VPS37A: variants seen among roughly 807,000 people sequenced by gnomAD.
VPS37A encodes VPS37A subunit of ESCRT-I, also known as vacuolar protein sorting-associated protein 37A.
VPS37A carries 30 observed loss-of-function variants against 49.8 expected under a neutral mutation model. That is an observed-to-expected ratio of 0.60 (90% CI 0.45 to 0.82). The LOEUF is 0.82. Ranked by LOEUF, VPS37A falls within the 40% of genes least tolerant of loss-of-function variation. The pLI, the probability that VPS37A is intolerant of heterozygous loss-of-function variation, is 0.00. For missense variants in VPS37A, 593 were observed against 464.4 expected, an observed-to-expected ratio of 1.28 and a Z score of -2.55; for synonymous variants, 195 against 160.6, an observed-to-expected ratio of 1.21 and a Z score of -1.62.
chr8:17,305,874 T>C, downstream of VPS37A: 1 of 1,613,732 alleles, frequency 6.2e-7, no homozygotes, highest in Admixed American at 1.7e-5. Context: ...ACAGGGAAAT[T>C]GTTCCATTAA....
intron 11 of VPS37A, among the ~76,000 whole-genome samples, chr8:17,289,191 TA>T (rs1244371595): frequency 2.0e-5 from 3 of 152,194 alleles, no homozygotes; most frequent in African/African-American, 7.2e-5. Flanking sequence ...TTGCTGTGCA[TA>T]AGGTCTTTAG....
intron 5 of VPS37A, among the ~76,000 whole-genome samples, chr8:17,275,992 A>G (rs1332113325): frequency 6.6e-6 from 1 of 152,196 alleles, no homozygotes; most frequent in Non-Finnish European, 1.5e-5. Context: ...TCGGTTGCTC[A>G]TCTACCCTAC....
At chr8:17,258,803 A>C (rs537914751) in intron 1 of VPS37A, among the ~76,000 whole-genome samples, 1 of 152,100 alleles carries the variant, frequency 6.6e-6, no homozygotes, top group East Asian at 1.9e-4. Context: ...TTATTGGCTT[A>C]TTGAAGTTTT....
At chr8:17,250,886 A>C (rs532193578) in intron 1 of VPS37A, among the ~76,000 whole-genome samples, 32 of 152,364 alleles carry the variant, frequency 2.1e-4, no homozygotes, top group Admixed American at 1.7e-3. Context: ...AAAGTGTTTA[A>C]GTCAGCTGTG....
intron 11 of VPS37A, among the ~76,000 whole-genome samples, chr8:17,293,835 G>C (rs1023952096): frequency 2.0e-5 from 3 of 152,168 alleles, no homozygotes; most frequent in African/African-American, 7.2e-5. Flanking sequence ...CTTTGTCCCA[G>C]AGGGGCACCT....
chr8:17,250,452 A>C (rs569761412), intron 1 of VPS37A, among the ~76,000 whole-genome samples: 40 of 152,312 alleles, frequency 2.6e-4, no homozygotes, highest in African/African-American at 9.6e-4. Context: ...AACAGTACAA[A>C]AACTTGTTAC....
At chr8:17,260,203 T>C (rs1812845367) in intron 1 of VPS37A, among the ~76,000 whole-genome samples, 1 of 152,170 alleles carries the variant, frequency 6.6e-6, no homozygotes, top group Non-Finnish European at 1.5e-5. Flanking sequence ...TTGTTGCTTT[T>C]TTATGTTTAG....
downstream of VPS37A, chr8:17,301,908 C>T: frequency 2.3e-6 from 1 of 439,708 alleles, no homozygotes; most frequent in African/African-American, 2.0e-5. Context: ...ACAAGTTGAC[C>T]TAAAATAAGG....
chr8:17,304,270 C>G (rs764680380), downstream of VPS37A: 31 of 1,252,178 alleles, frequency 2.5e-5, no homozygotes, highest in Non-Finnish European at 3.4e-5. Flanking sequence ...TCTTTTGTGT[C>G]CAATAAAAGC....
At chr8:17,287,951 G>A (rs191105108) in intron 11 of VPS37A, among the ~76,000 whole-genome samples, 25 of 152,160 alleles carry the variant, frequency 1.6e-4, no homozygotes, top group African/African-American at 5.8e-4. Flanking sequence ...CAGGGACTAG[G>A]GTACAGGAAA....
the VPS37A span, chr8:17,309,229 A>G: frequency 3.3e-6 from 4 of 1,217,088 alleles, no homozygotes; most frequent in Non-Finnish European, 3.6e-6. Context: ...ATTTTCAGAA[A>G]CAGTGCTTTT....
downstream of VPS37A, chr8:17,298,465 A>C (rs561008318): frequency 1.3e-5 from 2 of 152,500 alleles, no homozygotes; most frequent in Non-Finnish European, 2.9e-5. Flanking sequence ...ACTCCCTCCA[A>C]ATCTTTCATA....
chr8:17,312,877 T>C, the VPS37A span, among the ~76,000 whole-genome samples: 3 of 152,196 alleles, frequency 2.0e-5, no homozygotes, highest in Non-Finnish European at 4.4e-5. Context: ...CAGCGACATT[T>C]TCCTATGGCG....
the VPS37A span, among the ~76,000 whole-genome samples, chr8:17,317,032 G>T: frequency 3.3e-5 from 5 of 152,254 alleles, no homozygotes; most frequent in East Asian, 9.7e-4. Flanking sequence ...TTTAAGTTTT[G>T]CCAATCTTAT....
At chr8:17,261,256 A>T (rs111513922) in intron 1 of VPS37A, among the ~76,000 whole-genome samples, 1 of 152,142 alleles carries the variant, frequency 6.6e-6, no homozygotes, top group African/African-American at 2.4e-5. Flanking sequence ...TCTGCCATGG[A>T]GAGCCTCTAA....
chr8:17,293,219 T>C (rs1816306536), intron 11 of VPS37A, among the ~76,000 whole-genome samples: 1 of 151,884 alleles, frequency 6.6e-6, no homozygotes, highest in Non-Finnish European at 1.5e-5. Context: ...GTCTCTGATA[T>C]CCTTTCTTCT....
chr8:17,247,490 T>G (rs1024926283), intron 1 of VPS37A, 121 bp downstream of exon 1: 1 of 1,360,408 alleles, frequency 7.4e-7, no homozygotes, highest in African/African-American at 1.4e-5. Context: ...TTACCTCCCT[T>G]GGTTGTGGGT....
In VPS37A at chr8:17,275,545, T is replaced by C. The variant is rs542740040; in HGVS notation, c.642+587T>C. 1.1e-4 allele frequency among the ~76,000 whole-genome samples: 16 copies of C among 152,284 alleles called. 1 individual carries two copies. Among genetic ancestry groups the C allele is most frequent in the African/African-American group, 2.9e-4 (12 of 41,566 alleles). ...GTGGGCAAAGGCAGAAGAATGATCA[T>C]GTGGGAGCAGCAGGTGTCACATTAT... On this transcript the variant is annotated intron_variant, in intron 5 of 11. Transcript: ENST00000324849.
At chr8:17,307,597 A>T in the VPS37A span, among the ~76,000 whole-genome samples, 10 of 152,296 alleles carry the variant, frequency 6.6e-5, no homozygotes, top group African/African-American at 2.2e-4. Context: ...GAATGTTTAT[A>T]GCGGCACTAT....
Sources: gnomAD v4.1 joint callset for allele counts (sites outside exome capture counted in the v4.1 genomes callset) on GRCh38, gnomAD v4.1.1 for gene constraint, MANE v1.5 for transcripts, NCBI Gene and HGNC (gene_info 2026-07-23, HGNC 2026-07-21) for gene names.